The following ASCC1 variants were observed in gnomAD, a reference collection of about 807,000 sequenced individuals.
ASCC1 encodes activating signal cointegrator 1 complex subunit 1, also known as ASC-1 complex subunit P50.
A neutral mutation model predicts 46.6 loss-of-function variants in ASCC1; 35 were observed. That is an observed-to-expected ratio of 0.75 (90% CI 0.57 to 0.99). The LOEUF is 0.99. ASCC1 is among the 50% of genes least tolerant of loss of function. The pLI is 0.00. For synonymous variants in ASCC1, 143 were observed against 146.6 expected (o/e 0.98, Z 0.18); for missense variants, 376 against 428.7 (o/e 0.88, Z 1.09).
chr10:72,167,810 T>A (rs187540349), intron 5 of ASCC1, among the ~76,000 whole-genome samples: 18 of 152,120 alleles, frequency 1.2e-4, no homozygotes, highest in South Asian at 4.1e-4. Flanking sequence ...TAATTTTTTT[T>A]AAATTTTTGT....
intron 7 of ASCC1, chr10:72,134,265 T>C (rs974087457): frequency 6.6e-6 from 1 of 152,214 alleles, no homozygotes; most frequent in East Asian, 1.9e-4. Flanking sequence ...ACCTCGTCTC[T>C]ACAAGAAAAA....
chr10:72,127,938 CTCTT>C (rs1160896373), intron 9 of ASCC1, 140 bp downstream of exon 9: 1 of 704,504 alleles, frequency 1.4e-6, no homozygotes, highest in Non-Finnish European at 2.5e-6. Context: ...TACTTTTCCT[CTCTT>C]TCCCTTTAGA....
At chr10:72,208,982 G>A (rs1202556414) in intron 3 of ASCC1, among the ~76,000 whole-genome samples, 2 of 151,762 alleles carry the variant, frequency 1.3e-5, no homozygotes, top group African/African-American at 2.4e-5. Context: ...TGGGCAATAT[G>A]GAGAAACCCT....
chr10:72,118,070 TA>T (rs1263703910), intron 9 of ASCC1, among the ~76,000 whole-genome samples: 1 of 152,160 alleles, frequency 6.6e-6, no homozygotes, highest in Non-Finnish European at 1.5e-5. Context: ...GCCAAGTGAC[TA>T]AGCAAATAAT....
At chr10:72,176,806 C>T (rs1851909764) in intron 5 of ASCC1, among the ~76,000 whole-genome samples, 1 of 152,096 alleles carries the variant, frequency 6.6e-6, no homozygotes, top group South Asian at 2.1e-4. Context: ...CTCACTCTCC[C>T]CTGAATACCT....
chr10:72,183,239 C>T (rs1273733955), intron 5 of ASCC1, among the ~76,000 whole-genome samples: 1 of 152,098 alleles, frequency 6.6e-6, no homozygotes, highest in Non-Finnish European at 1.5e-5. Context: ...GATGGGGTTT[C>T]CCCATGTTGG....
chr10:72,108,182 T>C (rs1842569843), intron 9 of ASCC1, among the ~76,000 whole-genome samples: 1 of 150,998 alleles, frequency 6.6e-6, no homozygotes, highest in South Asian at 2.1e-4. Flanking sequence ...GCGCAAGAGA[T>C]CCTCCCTCCT....
intron 5 of ASCC1, among the ~76,000 whole-genome samples, chr10:72,177,004 A>G (rs1363889802): frequency 1.3e-5 from 2 of 151,670 alleles, no homozygotes; most frequent in African/African-American, 2.4e-5. Context: ...CACGGTACCT[A>G]TTTCTGGAAG....
upstream of ASCC1, among the ~76,000 whole-genome samples, chr10:72,216,635 T>G (rs992667695): frequency 1.3e-5 from 2 of 152,128 alleles, no homozygotes; most frequent in Admixed American, 1.3e-4. Flanking sequence ...GAATTACTCT[T>G]TTTAAGAAAA....
chr10:72,123,315 G>T (rs1371670350), intron 9 of ASCC1, among the ~76,000 whole-genome samples: 2 of 151,376 alleles, frequency 1.3e-5, no homozygotes, highest in Non-Finnish European at 2.9e-5. Flanking sequence ...CTCCAGCCTG[G>T]GCGGCAGAGC....
intron 3 of ASCC1, among the ~76,000 whole-genome samples, chr10:72,208,350 A>G (rs1409485156): frequency 6.6e-6 from 1 of 151,654 alleles, no homozygotes; most frequent in African/African-American, 2.4e-5. Context: ...ACTGAGCCAC[A>G]ACTTTCTAAA....
At chr10:72,200,396 A>T (rs1225137400) in intron 4 of ASCC1, among the ~76,000 whole-genome samples, 1 of 152,088 alleles carries the variant, frequency 6.6e-6, no homozygotes, top group Admixed American at 6.6e-5. Context: ...CATACCTGTA[A>T]TACCAGCACT....
chr10:72,115,911 A>G (rs917374689), intron 9 of ASCC1, among the ~76,000 whole-genome samples: 6 of 152,256 alleles, frequency 3.9e-5, no homozygotes, highest in Non-Finnish European at 8.8e-5. Context: ...CACTCTAATA[A>G]GAAAGTTGTT....
At chr10:72,141,938 T>A (rs774916240) in intron 7 of ASCC1, among the ~76,000 whole-genome samples, 2 of 152,160 alleles carry the variant, frequency 1.3e-5, no homozygotes, top group African/African-American at 2.4e-5. Flanking sequence ...TCTAAAAAAA[T>A]TTTCCCACAC....
At chr10:72,189,930 G>A (rs568236869) in intron 5 of ASCC1, 8 of 717,346 alleles carry the variant, frequency 1.1e-5, no homozygotes, top group African/African-American at 1.0e-4. Context: ...GCAGCCATCA[G>A]GTAAGCCAAG....
chr10:72,113,459 C>T (rs534009034), intron 9 of ASCC1, among the ~76,000 whole-genome samples: 3 of 152,336 alleles, frequency 2.0e-5, no homozygotes, highest in Admixed American at 1.3e-4. Flanking sequence ...TCTTGTTTTG[C>T]AGTTCCATGT....
chr10:72,143,711 T>G (rs973306497), intron 7 of ASCC1, among the ~76,000 whole-genome samples: 3 of 150,798 alleles, frequency 2.0e-5, no homozygotes, highest in African/African-American at 7.3e-5. Flanking sequence ...CAGAGATGAG[T>G]ATTAGATAAA....
At chr10:72,189,244 C>CA (rs759800868) in intron 5 of ASCC1, among the ~76,000 whole-genome samples, 108 of 131,410 alleles carry the variant, frequency 8.2e-4, no homozygotes, top group South Asian at 1.9e-3. Context: ...ACTAAAAATA[C>CA]AAAAAAAAAA....
intron 7 of ASCC1, among the ~76,000 whole-genome samples, chr10:72,147,346 A>T (rs916896521): frequency 6.6e-6 from 1 of 151,928 alleles, no homozygotes; most frequent in African/African-American, 2.4e-5. Flanking sequence ...CTCTGCCTCC[A>T]GGGTTCAAGT....
Sources: gnomAD v4.1 joint callset for allele counts (sites outside exome capture counted in the v4.1 genomes callset) on GRCh38, gnomAD v4.1.1 for gene constraint, MANE v1.5 for transcripts, NCBI Gene and HGNC (gene_info 2026-07-23, HGNC 2026-07-21) for gene names.